SHOC1: variants seen among roughly 807,000 people sequenced by gnomAD.
SHOC1 encodes protein shortage in chiasmata 1 ortholog.
SHOC1 carries 136 observed loss-of-function variants against 179.2 expected under a neutral mutation model. The observed-to-expected ratio is 0.76, with a 90% CI of 0.66 to 0.87. SHOC1 has a LOEUF of 0.87. Ranked by LOEUF, SHOC1 falls within the 40% of genes least tolerant of loss-of-function variation. The pLI is 0.00. For synonymous variants in SHOC1, 489 were observed against 586.6 expected (o/e 0.83, Z 2.41); for missense variants, 1,538 against 1,700.8 (o/e 0.90, Z 1.68).
chr9:111,767,617 T>C (rs752227727), intron 5 of SHOC1, among the ~76,000 whole-genome samples: 7 of 152,200 alleles, frequency 4.6e-5, no homozygotes, highest in Non-Finnish European at 1.0e-4. Context: ...AATCAGGCAT[T>C]GTGATGCTTC....
At chr9:111,775,766 CA>C in intron 5 of SHOC1, 24 bp downstream of exon 5, 1 of 1,572,932 alleles carries the variant, frequency 6.4e-7, no homozygotes, top group Non-Finnish European at 8.6e-7. Flanking sequence ...AAATGTTTTA[CA>C]ACAATATAAA....
At chr9:111,756,593 C>T in intron 7 of SHOC1, 115 bp from the exon 8 acceptor site, 1 of 831,196 alleles carries the variant, frequency 1.2e-6, no homozygotes. Flanking sequence ...ACTAAATCCA[C>T]ATTCAAAATT....
chr9:111,733,610 A>G (rs963421326), intron 12 of SHOC1, among the ~76,000 whole-genome samples: 1 of 152,158 alleles, frequency 6.6e-6, no homozygotes, highest in Non-Finnish European at 1.5e-5. Flanking sequence ...GCTCATGCCT[A>G]TAATCCCAGC....
At position 111,791,464 on chromosome 9, in the gene SHOC1, C is replaced by A; in HGVS notation, c.-36-10G>T. 7.7e-7 allele frequency: 1 copy of A among 1,303,578 alleles called. No individual in the cohort carries two copies. The highest frequency in any genetic ancestry group is 1.0e-6 in the Non-Finnish European group (1 of 978,588). 80.8% of individuals were successfully genotyped at this position (1,303,578 alleles called of 1,614,324 possible). On this transcript the variant is annotated splice_polypyrimidine_tract_variant and intron_variant, in intron 1 of 27. Coordinates refer to ENST00000682961, the MANE Select transcript of SHOC1 (RefSeq NM_001378211.1). The stretch of plus-strand genomic sequence containing the variant: ...GTGTAAATTTCAACATCTGGAAATA[C>A]AAAAATTAAAATTAAACACTGGTAA...
In SHOC1 at chr9:111,691,725, A is replaced by G; in HGVS notation, c.4252T>C (p.Phe1418Leu). 6.2e-7 allele frequency: 1 copy of G among 1,614,024 alleles called. No homozygotes were observed. The highest frequency in any genetic ancestry group is 1.1e-5 in the South Asian group (1 of 91,082). The part of the protein sequence containing the change: ...LTCESSKDET[F>L]WRELPSVPSL... ...GGGACAGATGGTAATTCTCTCCAGA[A>G]AGTCTCATCTTTTGAACTTTCACAT... is the stretch of plus-strand genomic sequence containing the variant. Residue 1418 changes from phenylalanine (F) to leucine (L), a missense_variant, in exon 27 of 28, where the codon TTC becomes CTC. Transcript: ENST00000682961.
chr9:111,705,236 C>A lies in SHOC1; in HGVS notation c.2855+11G>T. 1 of 1,374,532 alleles carries A rather than the reference C, an allele frequency of 7.3e-7. No individual in the cohort carries two copies. Among genetic ancestry groups the A allele is most frequent in the Non-Finnish European group, 1.0e-6 (1 of 995,564 alleles). 85.1% of individuals were successfully genotyped at this position (1,374,532 alleles called of 1,614,324 possible). A position where few individuals can be genotyped will look rare whatever the true frequency, so the allele number is the denominator to read the frequency against. On this transcript the variant is annotated intron_variant, in intron 21 of 27. Transcript: ENST00000682961. Reference sequence around the variant, plus strand: ...TACACTTTTGTTAAAATTGTGAAATCAATAACTTACTTGGATTCTAGCAGC... The same window carrying A: ...TACACTTTTGTTAAAATTGTGAAATAAATAACTTACTTGGATTCTAGCAGC...
At chr9:111,757,209 TCTC>T (rs1303073260) in intron 7 of SHOC1, among the ~76,000 whole-genome samples, 6 of 152,070 alleles carry the variant, frequency 3.9e-5, no homozygotes. Flanking sequence ...TTCACGCCAT[TCTC>T]CTGCCTCAGC....
chr9:111,790,919 C>T (rs1036459157), intron 2 of SHOC1, among the ~76,000 whole-genome samples: 2 of 152,106 alleles, frequency 1.3e-5, no homozygotes, highest in African/African-American at 4.8e-5. Flanking sequence ...GACTAATAAA[C>T]AATCTAAGGA....
At chr9:111,694,048 G>A (rs1339818611) in intron 25 of SHOC1, 100 bp from the exon 26 acceptor site, 496 of 890,636 alleles carry the variant, frequency 5.6e-4, no homozygotes, top group Middle Eastern at 8.8e-4. Flanking sequence ...GAGTTTAATA[G>A]TCAGTAGTCT....
rs529452881 is a variant in SHOC1 at position 111,695,719 on chromosome 9, G to GT, written c.3184-1358dup. Among the ~76,000 whole-genome samples the GT allele has an allele frequency of 2.1e-3, 313 of 152,258 alleles. 1 individual carries two copies. Among genetic ancestry groups the GT allele is most frequent in the African/African-American group, 7.3e-3 (304 of 41,558 alleles). ...TCAATGGAGTCTTCAGCCAACAACT[G>GT]TTTGAGAATGATGTTAACATCACGA... On this transcript the variant is annotated intron_variant, in intron 24 of 27. Transcript: ENST00000682961.
At position 111,691,749 on chromosome 9, in the gene SHOC1, A is replaced by T; in HGVS notation, c.4228T>A (p.Cys1410Ser). 6.2e-7 allele frequency: 1 copy of T among 1,614,046 alleles called. No individual in the cohort carries two copies. Among genetic ancestry groups the T allele is most frequent in the East Asian group, 2.2e-5 (1 of 44,866 alleles). Residue 1410 changes from cysteine (C) to serine (S), a missense_variant, in exon 27 of 28, where the codon TGT becomes AGT. Cys to Ser is a moderately radical substitution (Grantham distance 112). Coordinates refer to ENST00000682961, the MANE Select transcript of SHOC1 (RefSeq NM_001378211.1). ...CLSDESEGLT[C>S]ESSKDETFWR... ...AAAGTCTCATCTTTTGAACTTTCAC[A>T]TGTGAGGCCTTCAGACTCATCTGAT...
intron 27 of SHOC1, among the ~76,000 whole-genome samples, chr9:111,689,754 T>G (rs1459464742): frequency 6.6e-6 from 1 of 152,100 alleles, no homozygotes; most frequent in Non-Finnish European, 1.5e-5. Context: ...TTTTATAGAG[T>G]ATGTGATTTA....
Position 111,758,602 on chromosome 9 carries a change from A to C in SHOC1, c.596+93T>G, listed in dbSNP as rs144604897. 1,023 of 1,267,872 alleles carry C rather than the reference A, an allele frequency of 8.1e-4. 22 individuals are homozygous for C. The East Asian group carries it at 0.025, about 31-fold the overall frequency. The allele number at this position is 1,267,872 out of a possible 1,614,324, so 78.5% of individuals were successfully genotyped here. ...AGACTCATCTCAAAACAAAACAAAA[A>C]AAAACATTGTTGATAACATCTAAGC... is the stretch of plus-strand genomic sequence containing the variant. On this transcript the variant is annotated intron_variant, in intron 6 of 27. Transcript: ENST00000682961.
At chr9:111,695,992 A>C (rs1385300417) in intron 24 of SHOC1, among the ~76,000 whole-genome samples, 1 of 152,172 alleles carries the variant, frequency 6.6e-6, no homozygotes, top group Non-Finnish European at 1.5e-5. Context: ...AAATGGGAAA[A>C]GGGTTAAAAG....
intron 5 of SHOC1, chr9:111,759,288 T>G: frequency 6.2e-7 from 1 of 1,612,244 alleles, no homozygotes; most frequent in South Asian, 1.1e-5. Context: ...GTCTCTGACA[T>G]GTAGGGAATG....
At chr9:111,747,337 C>T (rs758191423) in intron 9 of SHOC1, among the ~76,000 whole-genome samples, 1 of 151,770 alleles carries the variant, frequency 6.6e-6, no homozygotes, top group Non-Finnish European at 1.5e-5. Flanking sequence ...TTCTAAGATT[C>T]AAAATTTGGT....
chr9:111,740,242 C>T (rs1181267982), intron 11 of SHOC1, among the ~76,000 whole-genome samples: 1 of 152,118 alleles, frequency 6.6e-6, no homozygotes, highest in African/African-American at 2.4e-5. Context: ...AGACCCTCCA[C>T]GTAGGATATT....
intron 4 of SHOC1, 27 bp downstream of exon 4, chr9:111,780,903 G>A: frequency 6.5e-7 from 1 of 1,534,330 alleles, no homozygotes; most frequent in African/African-American, 1.4e-5. Context: ...AGATGTAAAA[G>A]AGAAATTTGA....
At chr9:111,768,916 A>T (rs148383034) in intron 5 of SHOC1, among the ~76,000 whole-genome samples, 1 of 152,266 alleles carries the variant, frequency 6.6e-6, no homozygotes, top group East Asian at 1.9e-4. Context: ...TATTGTTTTG[A>T]GGTATGTTCC....
Sources: allele counts gnomAD v4.1 joint callset (sites outside exome capture counted in the v4.1 genomes callset), GRCh38; gene constraint gnomAD v4.1.1; transcripts MANE v1.5; gene names NCBI Gene and HGNC (gene_info 2026-07-23, HGNC 2026-07-21).